Variants in UNC79 observed in about 807,000 individuals in gnomAD.
The protein encoded by UNC79 is unc-79 subunit of NALCN channel complex, also known as protein unc-79 homolog.
A neutral mutation model predicts 283.1 loss-of-function variants in UNC79; 37 were observed. That is an observed-to-expected ratio of 0.13 (90% CI 0.10 to 0.17). UNC79 has a LOEUF of 0.17. Ranked by LOEUF, UNC79 falls within the 10% of genes least tolerant of loss-of-function variation. The probability of loss-of-function intolerance (pLI) is 1.00; values close to 1 mark genes in which losing one functional copy is unlikely to be tolerated. For synonymous variants in UNC79, 1,107 were observed against 1,200.2 expected (o/e 0.92, Z 1.61); for missense variants, 2,272 against 3,211.1 (o/e 0.71, Z 7.07).
chr14:93,605,225 G>T (rs543157556), intron 26 of UNC79, among the ~76,000 whole-genome samples: 1 of 152,164 alleles, frequency 6.6e-6, no homozygotes, highest in Non-Finnish European at 1.5e-5. Context: ...TCCCCAGAGA[G>T]CCAGTATGAC....
At chr14:93,610,727 C>T (rs2139726184) in intron 26 of UNC79, among the ~76,000 whole-genome samples, 1 of 151,934 alleles carries the variant, frequency 6.6e-6, no homozygotes, top group South Asian at 2.1e-4. Context: ...CCTCCTGCCT[C>T]AGCCTCCCGA....
chr14:93,644,881 G>T (rs527840008), intron 34 of UNC79, among the ~76,000 whole-genome samples: 2 of 152,244 alleles, frequency 1.3e-5, no homozygotes, highest in East Asian at 3.9e-4. Flanking sequence ...ATTGTATAAA[G>T]GTAAGTGTGA....
intron 34 of UNC79, among the ~76,000 whole-genome samples, 179 bp from the exon 38 acceptor site, chr14:93,646,429 T>G (rs1327492226): frequency 6.6e-6 from 1 of 152,130 alleles, no homozygotes; most frequent in Non-Finnish European, 1.5e-5. Flanking sequence ...AAGGACTAGG[T>G]CAAGTTTAAC....
intron 1 of UNC79, among the ~76,000 whole-genome samples, chr14:93,355,524 G>A (rs1030894916): frequency 6.6e-6 from 1 of 152,140 alleles, no homozygotes; most frequent in East Asian, 1.9e-4. Context: ...GTAGAGATGA[G>A]GTTTCACCAT....
intron 34 of UNC79, among the ~76,000 whole-genome samples, chr14:93,645,809 A>G (rs2069536472): frequency 1.3e-5 from 2 of 152,136 alleles, no homozygotes; most frequent in South Asian, 2.1e-4. Flanking sequence ...CATTAGCATG[A>G]GAAGGTCTGT....
intron 30 of UNC79, among the ~76,000 whole-genome samples, chr14:93,627,346 T>C (rs569564558): frequency 4.7e-4 from 72 of 152,196 alleles, no homozygotes; most frequent in Non-Finnish European, 8.2e-4. Context: ...CTTTAGATAT[T>C]GTCTGTATGC....
chr14:93,370,181 A>C (rs1457573966), intron 1 of UNC79, among the ~76,000 whole-genome samples: 3 of 152,228 alleles, frequency 2.0e-5, no homozygotes, highest in Non-Finnish European at 2.9e-5. Context: ...ACATTCTAAA[A>C]GACATAAAGA....
intron 7 of UNC79, among the ~76,000 whole-genome samples, chr14:93,513,628 T>A (rs764901568): frequency 5.3e-5 from 8 of 152,128 alleles, no homozygotes; most frequent in Non-Finnish European, 8.8e-5. Flanking sequence ...ATTTGGGGTG[T>A]CCATCACCTC....
At chr14:93,680,348 G>GCCCAT (rs2073744891) in intron 41 of UNC79, among the ~76,000 whole-genome samples, 1 of 152,116 alleles carries the variant, frequency 6.6e-6, no homozygotes, top group Non-Finnish European at 1.5e-5. Flanking sequence ...GCCCATCCAG[G>GCCCAT]CCATGCAAAC....
chr14:93,524,047 T>C lies in UNC79; in HGVS notation c.963+5T>C. ...ATTAACAAACCAGCTGTGAAGGTAC[T>C]GTTTTATTAGACCTGGTGCCATACT... On this transcript the variant is annotated splice_donor_5th_base_variant and intron_variant, in intron 8 of 48. Transcript: ENST00000555664. 1 of 1,614,086 alleles carries C rather than the reference T, an allele frequency of 6.2e-7. No homozygotes were observed. The highest frequency in any genetic ancestry group is 1.3e-5 in the African/African-American group (1 of 75,060).
chr14:93,486,675 A>ATG lies in UNC79; in HGVS notation c.620-988_620-987insTG, dbSNP rs564924250. On this transcript the variant is annotated intron_variant, in intron 4 of 48. Transcript: ENST00000555664. ...GTCTAAGGAAAAAAAAAAAAAAAAA[A>ATG]AAAGAAAGAAAGTCCTCTTGGGAGA... 1.1e-4 allele frequency among the ~76,000 whole-genome samples: 16 copies of ATG among 148,108 alleles called. 1 individual carries two copies. In the South Asian group the frequency reaches 3.5e-3, roughly 32 times the overall value.
chr14:93,492,898 G>A (rs1462081597), intron 5 of UNC79, among the ~76,000 whole-genome samples: 2 of 152,196 alleles, frequency 1.3e-5, no homozygotes, highest in Admixed American at 1.3e-4. Flanking sequence ...AGTAGTCACT[G>A]AGTATCCACC....
At chr14:93,579,729 G>A (rs2063677904) in intron 18 of UNC79, among the ~76,000 whole-genome samples, 1 of 151,996 alleles carries the variant, frequency 6.6e-6, no homozygotes, top group African/African-American at 2.4e-5. Flanking sequence ...TATTTTCCTA[G>A]CCCCAGCCCT....
In UNC79 at chr14:93,702,419, G is replaced by A. The variant is rs185103208; in HGVS notation, c.7549-2206G>A. Among the ~76,000 whole-genome samples the A allele has an allele frequency of 2.5e-3, 386 of 152,282 alleles. 4 individuals carry two copies. Among genetic ancestry groups the A allele is most frequent in the African/African-American group, 8.9e-3 (370 of 41,542 alleles). On this transcript the variant is annotated intron_variant, in intron 47 of 48. Coordinates refer to ENST00000555664, the Ensembl canonical transcript of UNC79. The stretch of plus-strand genomic sequence containing the variant: ...TAGCTAGCTGCAACAGAAACACTAC[G>A]TTTAGGAATGTTTAGGAGTAAATGT...
exon 4 of UNC79, chr14:93,477,647 T>C: frequency 1.9e-6 from 3 of 1,613,508 alleles, no homozygotes; most frequent in Non-Finnish European, 2.5e-6. Flanking sequence ...CACGATGATA[T>C]CAACGTTGGC....
chr14:93,380,984 TAGTC>T (rs1221212736), intron 1 of UNC79, among the ~76,000 whole-genome samples: 1 of 152,042 alleles, frequency 6.6e-6, no homozygotes, highest in African/African-American at 2.4e-5. Flanking sequence ...GTGCTTTAGA[TAGTC>T]AGTGATAAAC....
intron 1 of UNC79, among the ~76,000 whole-genome samples, chr14:93,347,822 C>T (rs1012244195): frequency 5.3e-5 from 8 of 151,318 alleles, no homozygotes; most frequent in Admixed American, 2.6e-4. Context: ...AGGTTGGAAC[C>T]GGAGACCCCT....
At chr14:93,355,740 G>A (rs2054073840) in intron 1 of UNC79, among the ~76,000 whole-genome samples, 1 of 152,166 alleles carries the variant, frequency 6.6e-6, no homozygotes, top group African/African-American at 2.4e-5. Flanking sequence ...TCCTAACTAT[G>A]CTCTTGTTAT....
chr14:93,458,699 A>G (rs932864489), intron 1 of UNC79, among the ~76,000 whole-genome samples: 4 of 152,198 alleles, frequency 2.6e-5, no homozygotes, highest in Non-Finnish European at 4.4e-5. Flanking sequence ...TTTAGGGAAT[A>G]TTAATAGGAC....
Sources: allele counts gnomAD v4.1 joint callset (sites outside exome capture counted in the v4.1 genomes callset), GRCh38; gene constraint gnomAD v4.1.1; transcripts MANE v1.5; gene names NCBI Gene and HGNC (gene_info 2026-07-23, HGNC 2026-07-21).